CWF19L2: variants seen among roughly 807,000 people sequenced by gnomAD.
CWF19L2 encodes the protein CWF19-like protein 2.
CWF19L2 carries 98 observed loss-of-function variants against 111.7 expected under a neutral mutation model. That is an observed-to-expected ratio of 0.88 (90% CI 0.75 to 1.04). The LOEUF (loss-of-function observed/expected upper bound fraction) is 1.04. Ranked by LOEUF, CWF19L2 falls within the 50% of genes least tolerant of loss-of-function variation. The probability of loss-of-function intolerance (pLI) is 0.00; values close to 1 mark genes in which losing one functional copy is unlikely to be tolerated. For synonymous variants in CWF19L2, 351 were observed against 342.9 expected (o/e 1.02, Z -0.26); for missense variants, 1,101 against 1,051.4 (o/e 1.05, Z -0.65).
chr11:107,351,107 T>C (rs1860150575), intron 13 of CWF19L2, among the ~76,000 whole-genome samples: 2 of 152,046 alleles, frequency 1.3e-5, no homozygotes, highest in East Asian at 1.9e-4. Flanking sequence ...TGCTACTGTA[T>C]AGAGAAAGGG....
At chr11:107,369,976 G>C (rs1038434485) in intron 12 of CWF19L2, among the ~76,000 whole-genome samples, 2 of 137,688 alleles carry the variant, frequency 1.5e-5, no homozygotes, top group Non-Finnish European at 3.1e-5. Context: ...TGTTGGGATT[G>C]TAATATTAGC....
At chr11:107,335,764 T>G (rs1399061175) in intron 15 of CWF19L2, among the ~76,000 whole-genome samples, 1 of 152,200 alleles carries the variant, frequency 6.6e-6, no homozygotes, top group Non-Finnish European at 1.5e-5. Flanking sequence ...TTTTACAGTA[T>G]TGTTATTAAT....
At chr11:107,454,350 A>G (rs1861822354) in intron 3 of CWF19L2, 100 bp downstream of exon 3, 4 of 933,232 alleles carry the variant, frequency 4.3e-6, no homozygotes, top group Non-Finnish European at 5.7e-6. Context: ...AACTAGTAAT[A>G]TATTTTTTAC....
At chr11:107,339,219 G>A (rs990285349) in intron 14 of CWF19L2, among the ~76,000 whole-genome samples, 10 of 152,114 alleles carry the variant, frequency 6.6e-5, no homozygotes, top group African/African-American at 2.4e-4. Flanking sequence ...TGCCCAGTAT[G>A]TTTAACCATA....
At chr11:107,330,597 T>C (rs1007334485) in intron 16 of CWF19L2, among the ~76,000 whole-genome samples, 1 of 149,624 alleles carries the variant, frequency 6.7e-6, no homozygotes, top group South Asian at 2.1e-4. Flanking sequence ...TTCCTTACTC[T>C]TTCCTTCCCT....
intron 8 of CWF19L2, 75 bp downstream of exon 8, chr11:107,428,724 G>A (rs1861415085): frequency 8.8e-7 from 1 of 1,140,392 alleles, no homozygotes; most frequent in Non-Finnish European, 1.3e-6. Flanking sequence ...GCTAATAACT[G>A]ATGTTCTAAA....
chr11:107,430,275 T>C (rs1861447074), intron 7 of CWF19L2, among the ~76,000 whole-genome samples: 1 of 150,212 alleles, frequency 6.7e-6, no homozygotes, highest in African/African-American at 2.4e-5. Flanking sequence ...AGCCTGTATA[T>C]GGATAGGGGT....
At chr11:107,337,036 C>T (rs954428496) in intron 14 of CWF19L2, among the ~76,000 whole-genome samples, 3 of 152,068 alleles carry the variant, frequency 2.0e-5, no homozygotes, top group Non-Finnish European at 4.4e-5. Flanking sequence ...GCAGAACTGA[C>T]AGAACAATCA....
At chr11:107,427,004 T>C (rs1211450255) in intron 8 of CWF19L2, among the ~76,000 whole-genome samples, 2 of 151,962 alleles carry the variant, frequency 1.3e-5, no homozygotes, top group Admixed American at 1.3e-4. Flanking sequence ...TATACATTTA[T>C]TAAGATTACA....
At chr11:107,331,788 A>G (rs1859853078) in intron 16 of CWF19L2, among the ~76,000 whole-genome samples, 1 of 152,208 alleles carries the variant, frequency 6.6e-6, no homozygotes, top group African/African-American at 2.4e-5. Flanking sequence ...TGAACACACT[A>G]CTACTTTCAC....
At chr11:107,349,489 T>C (rs1472719434) in intron 13 of CWF19L2, among the ~76,000 whole-genome samples, 2 of 152,116 alleles carry the variant, frequency 1.3e-5, no homozygotes, top group Non-Finnish European at 2.9e-5. Context: ...CTTCCTTCTC[T>C]GATTAGCTGA....
intron 13 of CWF19L2, 95 bp from the exon 14 acceptor site, chr11:107,349,148 A>C (rs1410544740): frequency 2.2e-5 from 10 of 461,094 alleles, no homozygotes; most frequent in Admixed American, 8.1e-5. Flanking sequence ...GTAACAGATG[A>C]GCCCCTAGTA....
intron 12 of CWF19L2, among the ~76,000 whole-genome samples, chr11:107,377,956 G>A (rs1447035662): frequency 6.6e-6 from 1 of 151,958 alleles, no homozygotes; most frequent in Non-Finnish European, 1.5e-5. Flanking sequence ...AGTGGGCGGA[G>A]GATATGAACA....
intron 3 of CWF19L2, among the ~76,000 whole-genome samples, chr11:107,447,341 G>T (rs749681260): frequency 6.6e-6 from 1 of 152,066 alleles, no homozygotes; most frequent in Non-Finnish European, 1.5e-5. Context: ...AGGACCCCTG[G>T]AGTCTTTAAA....
chr11:107,412,486 G>A (rs949433420), intron 10 of CWF19L2, among the ~76,000 whole-genome samples: 3 of 152,086 alleles, frequency 2.0e-5, no homozygotes, highest in Non-Finnish European at 4.4e-5. Flanking sequence ...GATTACAGGT[G>A]CCCACCACCA....
intron 12 of CWF19L2, among the ~76,000 whole-genome samples, chr11:107,359,980 G>C (rs894876987): frequency 2.0e-5 from 3 of 152,196 alleles, no homozygotes; most frequent in African/African-American, 4.8e-5. Context: ...AGATCCTTGA[G>C]GGTGCCTCTT....
chr11:107,441,674 C>A, intron 4 of CWF19L2, 52 bp from the exon 5 acceptor site: 2 of 1,445,696 alleles, frequency 1.4e-6, no homozygotes, highest in East Asian at 2.6e-5. Context: ...TCATTTCAAT[C>A]TGAACTGATT....
chr11:107,404,581 T>C (rs1861052272), intron 10 of CWF19L2: 1 of 616,426 alleles, frequency 1.6e-6, no homozygotes, highest in African/African-American at 1.8e-5. Flanking sequence ...AAGATGGTCT[T>C]TCCACAGGCA....
chr11:107,457,593 C>T, intron 1 of CWF19L2, 119 bp downstream of exon 1: 2 of 706,706 alleles, frequency 2.8e-6, no homozygotes, highest in East Asian at 2.8e-5. Context: ...GGAGAACTCA[C>T]CCAAATTAAG....
Sources: allele counts gnomAD v4.1 joint callset (sites outside exome capture counted in the v4.1 genomes callset), GRCh38; gene constraint gnomAD v4.1.1; transcripts MANE v1.5; gene names NCBI Gene and HGNC (gene_info 2026-07-23, HGNC 2026-07-21).